The following TAOK2 variants were observed in gnomAD, a reference collection of about 807,000 sequenced individuals.
TAOK2 encodes the protein serine/threonine-protein kinase TAO2.
A neutral mutation model predicts 122.5 loss-of-function variants in TAOK2; 42 were observed. The ratio of observed to expected loss-of-function variants is 0.34; its 90% confidence interval spans 0.27 to 0.44. The LOEUF is 0.44. Among genes scored for constraint, TAOK2 ranks in the 20% least tolerant of loss-of-function variants. TAOK2 has a pLI of 1.00. For missense variants in TAOK2, 1,264 were observed against 1,644.9 expected (o/e 0.77, Z 4.01); for synonymous variants, 704 against 677.6 (o/e 1.04, Z -0.61).
At position 29,978,961 on chromosome 16, in the gene TAOK2, C is replaced by T. The variant is rs780484330; in HGVS notation, c.353-13C>T. ...TGCGCTCCCTCGGGTTGATGTTCTTCCTCACTCTCCAGTGCACAAGAAACC... is the reference window on the plus strand; with the variant it reads ...TGCGCTCCCTCGGGTTGATGTTCTTTCTCACTCTCCAGTGCACAAGAAACC... On this transcript the variant is annotated splice_polypyrimidine_tract_variant and intron_variant, in intron 5 of 15. Coordinates refer to ENST00000308893, the MANE Select transcript of TAOK2 (RefSeq NM_016151.4). The T allele has an allele frequency of 6.2e-7, 1 of 1,614,106 alleles. No individual in the cohort carries two copies. Among genetic ancestry groups the T allele is most frequent in the Admixed American group, 1.7e-5 (1 of 60,030 alleles).
intron 1 of TAOK2, 129 bp from the exon 2 acceptor site, chr16:29,977,609 T>A: frequency 1.1e-6 from 1 of 869,850 alleles, no homozygotes; most frequent in Non-Finnish European, 1.7e-6. Flanking sequence ...AATCTCCCCC[T>A]CCCCTTCCTC....
In TAOK2 at chr16:29,974,603, C is replaced by G. The variant is rs1232382485; in HGVS notation, c.-81C>G. ...TGCTTGGCAGAGCCGCTGGAGGACC[C>G]CAGGCGGAAGCGGAGGCGCTGGGGC... On this transcript the variant is annotated 5_prime_UTR_variant, in exon 1 of 16. Coordinates refer to ENST00000308893, the MANE Select transcript of TAOK2 (RefSeq NM_016151.4). The G allele has an allele frequency of 6.6e-6, 1 of 152,652 alleles. No homozygotes were observed. Among genetic ancestry groups the G allele is most frequent in the East Asian group, 1.9e-4 (1 of 5,190 alleles). The allele number at this position is 152,652 out of a possible 1,614,324, so 9.5% of individuals were successfully genotyped here.
downstream of TAOK2, chr16:29,989,030 G>C (rs1381735897): frequency 7.1e-6 from 7 of 985,338 alleles, no homozygotes; most frequent in African/African-American, 3.5e-5. Context: ...TTCTCAGCTC[G>C]GTGCTTCTCC....
At position 29,979,821 on chromosome 16, in the gene TAOK2, C is replaced by CT. The variant is rs2069563409; in HGVS notation, c.655+315dup. ...GAATGAAAATCCTGCCCTCATGGAA[C>CT]TTACATTTGATTTAGGGAAACCAGG... On this transcript the variant is annotated intron_variant, in intron 8 of 15. Transcript: ENST00000308893. This position sits in a 1 kb window ranked among gnomAD's most constrained non-coding sequence, Gnocchi z 4.1. 6.6e-6 allele frequency among the ~76,000 whole-genome samples: 1 copy of CT among 152,188 alleles called. No homozygotes were observed. The highest frequency in any genetic ancestry group is 1.5e-5 in the Non-Finnish European group (1 of 68,040).
Position 29,974,253 on chromosome 16 carries a change from C to T in TAOK2, c.-431C>T, listed in dbSNP as rs961950999. On this transcript the variant is annotated 5_prime_UTR_variant, in exon 1 of 16. Transcript: ENST00000308893. ...CAGATATCCGGGACTCGGGTCCCAA[C>T]CTCTCTAAACCTGGGTCTCTGTTTC... 3.9e-5 allele frequency: 6 copies of T among 152,612 alleles called. No homozygotes were observed. The highest frequency in any genetic ancestry group is 7.3e-5 in the Non-Finnish European group (5 of 68,052). 9.5% of individuals were successfully genotyped at this position (152,612 alleles called of 1,614,324 possible).
At chr16:29,982,989 C>T in intron 11 of TAOK2, 83 bp from the exon 12 acceptor site, 2 of 1,604,438 alleles carry the variant, frequency 1.2e-6, no homozygotes, top group Non-Finnish European at 1.7e-6. Context: ...GCCCTACTCA[C>T]ACCACCATCT....
At chr16:29,975,871 C>T (rs950451746) in intron 1 of TAOK2, among the ~76,000 whole-genome samples, 3 of 152,158 alleles carry the variant, frequency 2.0e-5, no homozygotes, top group African/African-American at 7.2e-5. Flanking sequence ...TGCTGTAATC[C>T]ATTTCACTGA....
At chr16:29,981,283 T>C in intron 8 of TAOK2, 1 of 525,122 alleles carries the variant, frequency 1.9e-6, no homozygotes, top group Non-Finnish European at 3.4e-6. Flanking sequence ...TCTTTTAGAC[T>C]GGAGGTTCCT....
chr16:29,986,479 T>C lies in TAOK2; in HGVS notation c.2207T>C (p.Val736Ala). 6.2e-7 allele frequency: 1 copy of C among 1,604,586 alleles called. No homozygotes were observed. Among genetic ancestry groups the C allele is most frequent in the South Asian group, 1.1e-5 (1 of 90,220 alleles). Residue 736 changes from valine (V) to alanine (A), a missense_variant, in exon 16 of 16, where the codon GTT (valine) becomes GCT (alanine). Val to Ala is a moderately conservative substitution (Grantham distance 64). Transcript: ENST00000308893. This position sits in a 1 kb window ranked among gnomAD's most constrained non-coding sequence, Gnocchi z 4.2. ...TTGCGGCAGAAGCATGCGGCCCAGG[T>C]TCGCCAGCAGCCCAAGAGCCTCAAA... ...QELRQKHAAQ[V>A]RQQPKSLKVR...
At position 29,981,852 on chromosome 16, in the gene TAOK2, C is replaced by T. The variant is rs754658810; in HGVS notation, c.750-7C>T. 3.7e-6 allele frequency: 6 copies of T among 1,607,640 alleles called. No homozygotes were observed. The African/African-American group carries it at 6.7e-5, about 18-fold the overall frequency. ...CCACCCCTCTCCCACCCTCCTGTGACTTTCAGGTCTGAGTACTTCCGGAAT... is the reference window on the plus strand; with the variant it reads ...CCACCCCTCTCCCACCCTCCTGTGATTTTCAGGTCTGAGTACTTCCGGAAT... On this transcript the variant is annotated splice_region_variant and splice_polypyrimidine_tract_variant and intron_variant, in intron 9 of 15. Coordinates refer to ENST00000308893, the MANE Select transcript of TAOK2 (RefSeq NM_016151.4).
In TAOK2 at chr16:29,985,644, C is replaced by T; in HGVS notation, c.1789-14C>T. 6.2e-7 allele frequency: 1 copy of T among 1,611,384 alleles called. No homozygotes were observed. On this transcript the variant is annotated splice_polypyrimidine_tract_variant and intron_variant, in intron 14 of 15. Coordinates refer to ENST00000308893, the MANE Select transcript of TAOK2 (RefSeq NM_016151.4). This position sits in a 1 kb window ranked among gnomAD's most constrained non-coding sequence, Gnocchi z 6.9. ...AGGTGGGTCCTGACCCTGCTTCCCT[C>T]TGCACTCGCCCAGGAGCTCCAGGAG... is the stretch of plus-strand genomic sequence containing the variant.
downstream of TAOK2, chr16:29,989,015 C>T (rs1481071150): frequency 2.3e-5 from 23 of 985,408 alleles, no homozygotes; most frequent in Non-Finnish European, 2.4e-5. Context: ...CCCCTTCTTA[C>T]CCATTTCTCA....
At position 29,988,269 on chromosome 16, in the gene TAOK2, A is replaced by C; in HGVS notation, c.*289A>C. 2.0e-6 allele frequency: 3 copies of C among 1,465,894 alleles called. No individual in the cohort carries two copies. Among genetic ancestry groups the C allele is most frequent in the Non-Finnish European group, 2.7e-6 (3 of 1,110,992 alleles). 90.8% of individuals were successfully genotyped at this position (1,465,894 alleles called of 1,614,324 possible). The stretch of plus-strand genomic sequence containing the variant: ...TCAGGCCTGGGGCCAGGGGTGGTGG[A>C]GGGTGGGAAGAGTCATGTTTTTTTT... On this transcript the variant is annotated 3_prime_UTR_variant, in exon 16 of 16. Coordinates refer to ENST00000308893, the MANE Select transcript of TAOK2 (RefSeq NM_016151.4).
chr16:29,981,334 C>G (rs1415764559), intron 8 of TAOK2: 1 of 561,948 alleles, frequency 1.8e-6, no homozygotes, highest in African/African-American at 1.9e-5. Context: ...TTCCCCATAG[C>G]AATTATCAAG....
At chr16:29,989,296 G>T (rs930319014), downstream of TAOK2, 5 of 984,682 alleles carry the variant, frequency 5.1e-6, no homozygotes, top group African/African-American at 1.8e-5. Context: ...ACCCAACTCC[G>T]TGCACGTGCT....
intron 10 of TAOK2, among the ~76,000 whole-genome samples, chr16:29,982,496 T>C (rs2069648321): frequency 6.6e-6 from 1 of 152,194 alleles, no homozygotes; most frequent in African/African-American, 2.4e-5. Flanking sequence ...TGGACGAGAA[T>C]CCAGTTCTCC....
chr16:29,980,704 G>A (rs1567240809), intron 8 of TAOK2: 1 of 152,128 alleles, frequency 6.6e-6, no homozygotes, highest in Non-Finnish European at 1.5e-5. Flanking sequence ...GTAAGAAACG[G>A]ACCCAAGTAT....
intron 3 of TAOK2, 43 bp from the exon 4 acceptor site, chr16:29,978,209 C>G: frequency 6.2e-7 from 1 of 1,613,930 alleles, no homozygotes; most frequent in Non-Finnish European, 8.5e-7. Flanking sequence ...ACTCCTGTCT[C>G]AAGATGCAAG....
At position 29,986,519 on chromosome 16, in the gene TAOK2, G is replaced by A; in HGVS notation, c.2247G>A (p.Gln749=). 10 of 1,611,942 alleles carry A rather than the reference G, an allele frequency of 6.2e-6. No homozygotes were observed. The highest frequency in any genetic ancestry group is 8.5e-6 in the Non-Finnish European group (10 of 1,179,008). The change falls in exon 16 of 16, where the codon CAG becomes CAA. Residue 749 remains glutamine (Q), a synonymous_variant. Transcript: ENST00000308893. This position sits in a 1 kb window ranked among gnomAD's most constrained non-coding sequence, Gnocchi z 4.2. ...AGAGCCTCAAAGTACGTGCAGGCCA[G>A]CGCCCCCCGGGCCTTCCACTCCCCA... ...QPKSLKVRAG[Q]RPPGLPLPIP...
Sources: gnomAD v4.1 joint callset for allele counts (sites outside exome capture counted in the v4.1 genomes callset) on GRCh38, gnomAD v4.1.1 for gene constraint, Gnocchi (gnomAD v3.1) non-coding constraint, MANE v1.5 for transcripts, NCBI Gene and HGNC (gene_info 2026-07-23, HGNC 2026-07-21) for gene names.